Variants in SLC4A4 observed in about 807,000 individuals in gnomAD.
SLC4A4 encodes the protein electrogenic sodium bicarbonate cotransporter 1.
In SLC4A4, 27 loss-of-function variants were observed where a neutral mutation model predicts 111.5. The ratio of observed to expected loss-of-function variants is 0.24; its 90% CI spans 0.18 to 0.33. The LOEUF is 0.33. Among genes scored for constraint, SLC4A4 ranks in the 10% least tolerant of loss-of-function variants. The probability of loss-of-function intolerance (pLI) is 1.00; values close to 1 mark genes in which losing one functional copy is unlikely to be tolerated. For synonymous variants in SLC4A4, 443 were observed against 463.4 expected, an observed-to-expected ratio of 0.96 and a Z score of 0.57; for missense variants, 909 against 1,315.5, an observed-to-expected ratio of 0.69 and a Z score of 4.78.
At chr4:71,258,169 T>C (rs1721593066) in intron 3 of SLC4A4, among the ~76,000 whole-genome samples, 1 of 152,222 alleles carries the variant, frequency 6.6e-6, no homozygotes, top group Non-Finnish European at 1.5e-5. Context: ...CTCTCCTTGC[T>C]CACTTTACTC....
chr4:71,509,031 G>A (rs1731668866), intron 16 of SLC4A4, among the ~76,000 whole-genome samples: 1 of 152,070 alleles, frequency 6.6e-6, no homozygotes, highest in African/African-American at 2.4e-5. Flanking sequence ...ATGCAGAAAA[G>A]GCCTCTGATA....
rs749894750 is a variant in SLC4A4 at position 71,472,916 on chromosome 4, T to G, written c.1849T>G (p.Phe617Val). ...AGATTACTACCCCATCAACTCCAAC[T>G]TCAAAGTGGGCTACAACACTCTCTT... The part of the protein sequence containing the change: ...LADYYPINSN[F>V]KVGYNTLFSC... The change falls in exon 14 of 26, where the codon TTC becomes GTC. Residue 617 changes from phenylalanine (F) to valine (V), a missense_variant. This residue lies in a region of SLC4A4 where 264 missense variants were observed against 356.8 expected (regional missense o/e 0.74). Transcript: ENST00000264485. The G allele has an allele frequency of 6.2e-7, 1 of 1,612,990 alleles. No homozygotes were observed.
At chr4:71,339,076 C>A in intron 3 of SLC4A4, 4 of 1,567,042 alleles carry the variant, frequency 2.6e-6, no homozygotes, top group Middle Eastern at 2.3e-4. Context: ...AGTGGTTAGA[C>A]CTCAGCTCAT....
intron 22 of SLC4A4, among the ~76,000 whole-genome samples, chr4:71,559,877 G>A (rs1736807654): frequency 6.6e-6 from 1 of 151,818 alleles, no homozygotes; most frequent in Admixed American, 6.6e-5. Context: ...AAAACAAAGT[G>A]AGTTTCAACT....
chr4:71,227,646 G>T lies in SLC4A4; in HGVS notation c.-1-8930G>T, dbSNP rs896709. ...TTTCCTTATTCTGCTGCTGGTTTGGGTCTGGCTCTTGGTTGAAGAGCTGAT... is the reference window on the plus strand; with the variant it reads ...TTTCCTTATTCTGCTGCTGGTTTGGTTCTGGCTCTTGGTTGAAGAGCTGAT... On this transcript the variant is annotated intron_variant, in intron 1 of 25. Transcript: ENST00000264485. Among the ~76,000 whole-genome samples the T allele has an allele frequency of 6.2e-3, 950 of 152,220 alleles. 10 individuals carry two copies. The highest frequency in any genetic ancestry group is 0.022 in the African/African-American group (896 of 41,528).
chr4:71,194,232 G>T (rs1745883097), intron 1 of SLC4A4, among the ~76,000 whole-genome samples: 1 of 152,134 alleles, frequency 6.6e-6, no homozygotes, highest in African/African-American at 2.4e-5. Flanking sequence ...GAGGAGTTAT[G>T]AGGAACAGAT....
Position 71,353,168 on chromosome 4 carries a change from C to T in SLC4A4, c.550+3096C>T, listed in dbSNP as rs140169329. 2.3e-4 allele frequency among the ~76,000 whole-genome samples: 35 copies of T among 152,258 alleles called. No individual in the cohort carries two copies. In the East Asian group the frequency reaches 6.7e-3, roughly 29 times the overall value. On this transcript the variant is annotated intron_variant, in intron 5 of 25. Coordinates refer to ENST00000264485, the MANE Select transcript of SLC4A4 (RefSeq NM_001098484.3). ...ATTTTGTGGTTTCTCTTCAATTTTTCGTTACTTTTTATTATCAGCTGTGAA... is the reference window on the plus strand; with the variant it reads ...ATTTTGTGGTTTCTCTTCAATTTTTTGTTACTTTTTATTATCAGCTGTGAA...
chr4:71,322,428 C>T lies in SLC4A4; in HGVS notation c.254-16942C>T, dbSNP rs144998469. On this transcript the variant is annotated intron_variant, in intron 3 of 25. Transcript: ENST00000264485. ...GCATCCAATGGCAGCATTAGTGTGGCGCTTGTGACAGTAATATTGGAGCTA... is the reference window on the plus strand; with the variant it reads ...GCATCCAATGGCAGCATTAGTGTGGTGCTTGTGACAGTAATATTGGAGCTA... Among the ~76,000 whole-genome samples the T allele has an allele frequency of 2.1e-3, 315 of 152,032 alleles. 1 individual carries two copies. The highest frequency in any genetic ancestry group is 6.2e-3 in the African/African-American group (258 of 41,490).
At chr4:71,451,125 A>T in intron 10 of SLC4A4, 63 bp from the exon 11 acceptor site, 1 of 1,064,050 alleles carries the variant, frequency 9.4e-7, no homozygotes, top group Non-Finnish European at 1.5e-6. Context: ...AGAGCATGAT[A>T]CAGCTAAGAA....
intron 14 of SLC4A4, among the ~76,000 whole-genome samples, chr4:71,476,453 T>C (rs4464534): frequency 0.53 from 79,759 of 151,500 alleles, 24,625 homozygotes; most frequent in Non-Finnish European, 0.7. Context: ...ACTGGGACAG[T>C]ATGTAACAGT....
intron 16 of SLC4A4, among the ~76,000 whole-genome samples, chr4:71,507,745 G>A (rs1205891825): frequency 1.3e-5 from 2 of 152,120 alleles, no homozygotes; most frequent in African/African-American, 4.8e-5. Flanking sequence ...AGGTAGACTT[G>A]ATAGATATCT....
intron 7 of SLC4A4, among the ~76,000 whole-genome samples, chr4:71,439,502 C>A (rs961246930): frequency 7.2e-6 from 1 of 138,384 alleles, no homozygotes; most frequent in Non-Finnish European, 1.5e-5. Context: ...CTCCATCTTG[C>A]CAAATTTATT....
chr4:71,361,129 A>T (rs1730743264), intron 6 of SLC4A4, among the ~76,000 whole-genome samples: 1 of 151,980 alleles, frequency 6.6e-6, no homozygotes. Flanking sequence ...TTCTCCAGGA[A>T]CCCCTCTATA....
chr4:71,157,847 AG>A (rs1375524219), intron 2 of SLC4A4, among the ~76,000 whole-genome samples: 1 of 152,228 alleles, frequency 6.6e-6, no homozygotes, highest in East Asian at 1.9e-4. Context: ...TAACAAGGAA[AG>A]CAACAGTGGG....
chr4:71,244,732 G>A (rs1720513472), intron 2 of SLC4A4, among the ~76,000 whole-genome samples: 3 of 149,546 alleles, frequency 2.0e-5, no homozygotes, highest in Non-Finnish European at 3.0e-5. Flanking sequence ...TAGTACTTAC[G>A]TTAACTCTTC....
At chr4:71,287,945 C>T (rs2149098681) in intron 3 of SLC4A4, among the ~76,000 whole-genome samples, 1 of 152,106 alleles carries the variant, frequency 6.6e-6, no homozygotes, top group Admixed American at 6.5e-5. Context: ...ATATCATCTA[C>T]TACTGATGGT....
intron 2 of SLC4A4, among the ~76,000 whole-genome samples, chr4:71,243,256 G>C (rs1366917455): frequency 6.6e-6 from 1 of 152,076 alleles, no homozygotes; most frequent in Admixed American, 6.6e-5. Flanking sequence ...ATTTCCCCTT[G>C]TCTGCCACAT....
chr4:71,327,104 A>G (rs1727560747), intron 3 of SLC4A4, among the ~76,000 whole-genome samples: 1 of 152,012 alleles, frequency 6.6e-6, no homozygotes, highest in Admixed American at 6.6e-5. Context: ...GGAATTCTTC[A>G]TTGTGATCAC....
chr4:71,480,245 A>G (rs2149120837), intron 14 of SLC4A4, among the ~76,000 whole-genome samples: 1 of 151,678 alleles, frequency 6.6e-6, no homozygotes, highest in Non-Finnish European at 1.5e-5. Flanking sequence ...CCAGCACACC[A>G]TCGTAGATGA....
Sources: gnomAD v4.1 joint callset for allele counts (sites outside exome capture counted in the v4.1 genomes callset) on GRCh38, gnomAD v4.1.1 for gene constraint, gnomAD v4.1.1 regional missense constraint, MANE v1.5 for transcripts, NCBI Gene and HGNC (gene_info 2026-07-23, HGNC 2026-07-21) for gene names.